Variants in NPAT observed in about 807,000 individuals in gnomAD.
NPAT encodes the protein nuclear protein, coactivator of histone transcription.
NPAT carries 52 observed loss-of-function variants against 130.7 expected under a neutral mutation model. The ratio of observed to expected loss-of-function variants is 0.40; its 90% CI spans 0.32 to 0.50. NPAT has a LOEUF of 0.50. Ranked by LOEUF, NPAT falls within the 20% of genes least tolerant of loss-of-function variation. NPAT has a pLI of 0.68. For synonymous variants in NPAT, 580 were observed against 584.8 expected (o/e 0.99, Z 0.12); for missense variants, 1,687 against 1,662.6 (o/e 1.01, Z -0.26).
chr11:108,165,633 ATTT>A (rs745405506), intron 15 of NPAT, among the ~76,000 whole-genome samples: 2 of 128,518 alleles, frequency 1.6e-5, no homozygotes, highest in African/African-American at 2.9e-5. Context: ...CCTGGCTAAT[ATTT>A]TTTTTTTTTT....
rs960127392 is a variant in NPAT, at chr11:108,222,597, G to T, written c.-61C>A. On this transcript the variant is annotated 5_prime_UTR_variant, in exon 1 of 18. Transcript: ENST00000278612. ...AGACTCAGGTTAAAGCAAACACAGC[G>T]ACAGCTCCTGCGCCGCATCTCCTGG... 1 of 1,578,280 alleles carries T rather than the reference G, an allele frequency of 6.3e-7. No individual in the cohort carries two copies. The highest frequency in any genetic ancestry group is 8.7e-7 in the Non-Finnish European group (1 of 1,150,918).
At chr11:108,200,064 G>GA (rs1491148329) in intron 1 of NPAT, among the ~76,000 whole-genome samples, 1 of 152,196 alleles carries the variant, frequency 6.6e-6, no homozygotes, top group African/African-American at 2.4e-5. Context: ...TGCAATGACT[G>GA]AGAGTTTTCT....
rs764717598 is a variant in NPAT, at chr11:108,173,083, T to A, written c.1901A>T (p.Gln634Leu). Residue 634 changes from glutamine (Q) to leucine (L), a missense_variant, in exon 13 of 18, where the codon CAA (glutamine) becomes CTA (leucine). This residue lies in a region of NPAT where 1,379 missense variants were observed against 1,346.6 expected (regional missense o/e 1.02). Transcript: ENST00000278612. ...HLGDSLSSTK[Q>L]PSNDSASVEL... ...AACAGATGCTGAATCATTAGATGGT[T>A]GTTTAGTAGAAGACAGCGAATCTCC... 26 of 1,614,014 alleles carry A rather than the reference T, an allele frequency of 1.6e-5. No individual in the cohort carries two copies. In the Admixed American group the frequency reaches 4.0e-4, roughly 25 times the overall value.
intron 1 of NPAT, among the ~76,000 whole-genome samples, chr11:108,221,648 G>A (rs1339240526): frequency 6.6e-6 from 1 of 152,188 alleles, no homozygotes; most frequent in Admixed American, 6.5e-5. Flanking sequence ...CATCACAGAT[G>A]CTTGCCATTT....
intron 1 of NPAT, among the ~76,000 whole-genome samples, chr11:108,211,546 GA>G (rs200914423): frequency 0.029 from 3,230 of 111,514 alleles, 51 homozygotes; most frequent in Admixed American, 0.087. Context: ...CTGTCTTCAG[GA>G]AAAAAAAAAA....
intron 1 of NPAT, among the ~76,000 whole-genome samples, chr11:108,213,699 A>C (rs931805498): frequency 6.6e-6 from 1 of 152,244 alleles, no homozygotes; most frequent in Non-Finnish European, 1.5e-5. Flanking sequence ...TAGCCAAAAT[A>C]ATCTTGAAAA....
intron 11 of NPAT, 151 bp from the exon 12 acceptor site, chr11:108,176,525 G>C: frequency 1.6e-6 from 1 of 645,038 alleles, no homozygotes; most frequent in Non-Finnish European, 2.7e-6. Context: ...TCATTTACAA[G>C]TACAAAGATT....
intron 10 of NPAT, among the ~76,000 whole-genome samples, chr11:108,178,873 A>C (rs1565314176): frequency 6.6e-6 from 1 of 152,188 alleles, no homozygotes; most frequent in Non-Finnish European, 1.5e-5. Flanking sequence ...AAAAAAACAA[A>C]AACAAAATTC....
chr11:108,190,312 CAAAAAAAAA>C (rs71047681), intron 5 of NPAT, 139 bp downstream of exon 5: 86 of 342,562 alleles, frequency 2.5e-4, no homozygotes, highest in Middle Eastern at 8.9e-4. Context: ...GACACTGTCT[CAAAAAAAAA>C]AAAAAAAAAA....
At chr11:108,220,651 A>G (rs1314871214) in intron 1 of NPAT, among the ~76,000 whole-genome samples, 1 of 152,230 alleles carries the variant, frequency 6.6e-6, no homozygotes, top group Non-Finnish European at 1.5e-5. Flanking sequence ...CATATGAGAA[A>G]GATATACACG....
chr11:108,198,227 T>C (rs683312), intron 1 of NPAT, among the ~76,000 whole-genome samples: 120,434 of 152,104 alleles, frequency 0.79, 48,480 homozygotes, highest in African/African-American at 0.94. Flanking sequence ...AAATCTAATC[T>C]CAAGAGTTGT....
At chr11:108,215,169 TCC>T (rs2078421604) in intron 1 of NPAT, among the ~76,000 whole-genome samples, 1 of 152,338 alleles carries the variant, frequency 6.6e-6, no homozygotes, top group Non-Finnish European at 1.5e-5. Flanking sequence ...GTATAATTAC[TCC>T]CTATTCCCTA....
intron 4 of NPAT, 97 bp from the exon 5 acceptor site, chr11:108,190,597 TA>T (rs2134865610): frequency 1.9e-6 from 2 of 1,063,990 alleles, no homozygotes; most frequent in East Asian, 4.9e-5. Flanking sequence ...AGTTATGAGG[TA>T]AAAGGCAAAA....
At chr11:108,188,932 T>G (rs1466183314) in intron 6 of NPAT, among the ~76,000 whole-genome samples, 174 bp downstream of exon 6, 4 of 152,234 alleles carry the variant, frequency 2.6e-5, no homozygotes, top group Non-Finnish European at 5.9e-5. Context: ...TTAAAATGCC[T>G]TAAAGATTTT....
Position 108,161,904 on chromosome 11 carries a change from C to G in NPAT, c.3182G>C (p.Arg1061Thr), listed in dbSNP as rs770361872. Residue 1061 changes from arginine (R) to threonine (T), a missense_variant, in exon 17 of 18, where the codon AGA becomes ACA. Transcript: ENST00000278612. ...SIVPAAKPCH[R>T]RVLCFDSTTA... ...AGTGCTGTCGAAACAGAGTACACGT[C>G]TGTGGCATGGTTTAGCAGCTGGAAC... 1.2e-6 allele frequency: 2 copies of G among 1,612,594 alleles called. No homozygotes were observed. Among genetic ancestry groups the G allele is most frequent in the Non-Finnish European group, 1.7e-6 (2 of 1,179,224 alleles).
At chr11:108,199,941 G>A (rs1286845108) in intron 1 of NPAT, among the ~76,000 whole-genome samples, 1 of 152,164 alleles carries the variant, frequency 6.6e-6, no homozygotes, top group Admixed American at 6.5e-5. Context: ...CGTTAAGGGT[G>A]TTGCTGCAAA....
intron 1 of NPAT, among the ~76,000 whole-genome samples, chr11:108,205,007 A>G (rs1474297920): frequency 6.6e-6 from 1 of 152,246 alleles, no homozygotes; most frequent in Non-Finnish European, 1.5e-5. Context: ...AAGGTAGCTC[A>G]ACAGTCTCTA....
rs771197757 is a variant in NPAT at position 108,176,998 on chromosome 11, G to A, written c.999C>T (p.Asp333=). ...TGAAATAAATAGTCTCCTTACCATA[G>A]TCAAAGAGATCAAAGAGTGCCTGAA... is the stretch of plus-strand genomic sequence containing the variant. ...PAFQALFDLF[D]YGKTKNNKNI... Residue 333 remains aspartate, a synonymous_variant, in exon 11 of 18, where the codon GAC becomes GAT. Transcript: ENST00000278612. 1.9e-6 allele frequency: 3 copies of A among 1,600,450 alleles called. No homozygotes were observed. The Admixed American group carries it at 5.0e-5, about 27-fold the overall frequency.
At chr11:108,169,058 A>T (rs1156892495) in intron 15 of NPAT, among the ~76,000 whole-genome samples, 2 of 152,200 alleles carry the variant, frequency 1.3e-5, no homozygotes, top group Non-Finnish European at 2.9e-5. Context: ...AGGTGAACTG[A>T]AACAACAGAG....
Sources: gnomAD v4.1 joint callset for allele counts (sites outside exome capture counted in the v4.1 genomes callset) on GRCh38, gnomAD v4.1.1 for gene constraint, gnomAD v4.1.1 regional missense constraint, MANE v1.5 for transcripts, NCBI Gene and HGNC (gene_info 2026-07-23, HGNC 2026-07-21) for gene names.